C11orf97: variants seen among roughly 807,000 people sequenced by gnomAD.
C11orf97 encodes chromosome 11 open reading frame 97.
A neutral mutation model predicts 16.2 loss-of-function variants in C11orf97; 15 were observed. The ratio of observed to expected loss-of-function variants is 0.93; its 90% CI spans 0.62 to 1.43. The LOEUF (loss-of-function observed/expected upper bound fraction) is 1.43, where lower values mean the gene tolerates loss of function less well. Ranked by LOEUF, C11orf97 falls within the 40% of genes most tolerant of loss-of-function variation. C11orf97 has a pLI of 0.00. For synonymous variants in C11orf97, 61 were observed against 65.7 expected, an observed-to-expected ratio of 0.93 and a Z score of 0.34; for missense variants, 171 against 161.2, an observed-to-expected ratio of 1.06 and a Z score of -0.33.
chr11:94,529,542 T>G (rs185908838), intron 3 of C11orf97, among the ~76,000 whole-genome samples: 1 of 152,294 alleles, frequency 6.6e-6, no homozygotes, highest in Admixed American at 6.5e-5. Context: ...GAGTTGAGGA[T>G]TATAATCTCC....
intron 1 of C11orf97, among the ~76,000 whole-genome samples, chr11:94,514,096 C>T (rs191781650): frequency 7.2e-5 from 11 of 152,338 alleles, no homozygotes; most frequent in Non-Finnish European, 1.6e-4. Flanking sequence ...AGGCATGAGC[C>T]ACCACGCCCA....
chr11:94,522,661 A>G (rs767336057), intron 2 of C11orf97, among the ~76,000 whole-genome samples: 22 of 152,340 alleles, frequency 1.4e-4, no homozygotes, highest in Non-Finnish European at 1.5e-4. Context: ...GCCATCCTCT[A>G]TCTCCACACC....
chr11:94,517,159 G>T (rs912466234), intron 1 of C11orf97, among the ~76,000 whole-genome samples: 1 of 152,108 alleles, frequency 6.6e-6, no homozygotes, highest in Admixed American at 6.5e-5. Flanking sequence ...CTGAGATTTT[G>T]TTCTCTCTTC....
chr11:94,517,832 T>C (rs570179488), intron 2 of C11orf97, 145 bp downstream of exon 2: 1 of 600,792 alleles, frequency 1.7e-6, no homozygotes, highest in South Asian at 2.6e-5. Context: ...AATTTGCTTA[T>C]GTCCAAATAA....
chr11:94,513,730 T>C (rs188310913), intron 1 of C11orf97, among the ~76,000 whole-genome samples: 130 of 152,340 alleles, frequency 8.5e-4, no homozygotes, highest in Non-Finnish European at 1.6e-3. Context: ...TTGTTATTAT[T>C]ATCAGCAGCA....
At chr11:94,522,199 A>G (rs1050684072) in intron 2 of C11orf97, among the ~76,000 whole-genome samples, 1 of 152,150 alleles carries the variant, frequency 6.6e-6, no homozygotes, top group African/African-American at 2.4e-5. Context: ...TGGATGTCCC[A>G]TAAGTCATAA....
At chr11:94,522,515 A>G (rs1947666387) in intron 2 of C11orf97, among the ~76,000 whole-genome samples, 1 of 152,160 alleles carries the variant, frequency 6.6e-6, no homozygotes, top group African/African-American at 2.4e-5. Flanking sequence ...CGGCCTGGGC[A>G]ACAGAGTGAG....
intron 2 of C11orf97, among the ~76,000 whole-genome samples, chr11:94,520,964 C>T (rs1487749993): frequency 6.6e-6 from 1 of 152,186 alleles, no homozygotes; most frequent in East Asian, 1.9e-4. Flanking sequence ...CCTCTCTGAT[C>T]TCATCTCCTA....
chr11:94,525,345 G>A (rs1947691589), intron 2 of C11orf97, among the ~76,000 whole-genome samples: 1 of 152,144 alleles, frequency 6.6e-6, no homozygotes. Flanking sequence ...CTTTTCCAAA[G>A]AATTTCAGAA....
In C11orf97 at chr11:94,531,989, G is replaced by A; in HGVS notation, c.*89G>A. 1.8e-6 allele frequency: 2 copies of A among 1,102,126 alleles called. No homozygotes were observed. The highest frequency in any genetic ancestry group is 3.5e-5 in the Admixed American group (1 of 28,960). 68.3% of individuals were successfully genotyped at this position (1,102,126 alleles called of 1,614,324 possible). A position where few individuals can be genotyped will look rare whatever the true frequency, so the allele number is the denominator to read the frequency against. On this transcript the variant is annotated 3_prime_UTR_variant, in exon 4 of 4. Transcript: ENST00000542198. ...AACTCAAGCTTGTTTCAGGATTTAA[G>A]ATGTGTGCAAAAAAATGATAGCCTG...
intron 1 of C11orf97, among the ~76,000 whole-genome samples, chr11:94,513,272 A>G (rs1391526064): frequency 6.6e-6 from 1 of 152,186 alleles, no homozygotes; most frequent in Admixed American, 6.5e-5. Flanking sequence ...CCTGACAAAC[A>G]CACAATATTC....
chr11:94,517,915 C>T lies in C11orf97; in HGVS notation c.250+228C>T, dbSNP rs1021389334. 2.0e-5 allele frequency among the ~76,000 whole-genome samples: 3 copies of T among 152,022 alleles called. No homozygotes were observed. In the South Asian group the frequency reaches 6.2e-4, roughly 32 times the overall value. Reference sequence around the variant, plus strand: ...CTGTAATCCCAGCACTTTGGGAGGCCGAGGTGGATGGATCACGAGGTCAGG... The same window carrying T: ...CTGTAATCCCAGCACTTTGGGAGGCTGAGGTGGATGGATCACGAGGTCAGG... On this transcript the variant is annotated intron_variant, in intron 2 of 3. Transcript: ENST00000542198.
At chr11:94,517,193 A>G (rs1252416773) in intron 1 of C11orf97, among the ~76,000 whole-genome samples, 1 of 152,220 alleles carries the variant, frequency 6.6e-6, no homozygotes, top group East Asian at 1.9e-4. Flanking sequence ...CAAGCTCTAT[A>G]CACACATCTG....
intron 2 of C11orf97, 46 bp from the exon 3 acceptor site, chr11:94,528,038 G>A (rs1164241033): frequency 1.4e-6 from 2 of 1,473,928 alleles, no homozygotes; most frequent in Non-Finnish European, 1.8e-6. Context: ...GTGCTAAAAA[G>A]AGAATACGCT....
At chr11:94,531,788 C>T in intron 3 of C11orf97, 108 bp from the exon 4 acceptor site, 2 of 900,826 alleles carry the variant, frequency 2.2e-6, no homozygotes, top group Admixed American at 7.7e-5. Flanking sequence ...TTACATTCTG[C>T]TCAATCAAAT....
chr11:94,531,199 G>A (rs958851587), intron 3 of C11orf97, among the ~76,000 whole-genome samples: 36 of 152,066 alleles, frequency 2.4e-4, no homozygotes, highest in African/African-American at 8.0e-4. Context: ...CAGCACTCTG[G>A]GAGGCCAAGG....
intron 3 of C11orf97, 64 bp from the exon 4 acceptor site, chr11:94,531,832 T>C: frequency 8.0e-7 from 1 of 1,254,774 alleles, no homozygotes; most frequent in Non-Finnish European, 1.1e-6. Flanking sequence ...TTAAAATGGG[T>C]GAGATTAAAG....
chr11:94,519,543 C>T (rs1947640014), intron 2 of C11orf97, among the ~76,000 whole-genome samples: 1 of 152,162 alleles, frequency 6.6e-6, no homozygotes. Flanking sequence ...ATTGGATACA[C>T]TAGATTGTGA....
At chr11:94,522,310 C>T (rs750828603) in intron 2 of C11orf97, among the ~76,000 whole-genome samples, 6 of 152,068 alleles carry the variant, frequency 3.9e-5, no homozygotes, top group East Asian at 3.9e-4. Context: ...CTGAGACGGG[C>T]GTATCACGAG....
Sources: gnomAD v4.1 joint callset for allele counts (sites outside exome capture counted in the v4.1 genomes callset) on GRCh38, gnomAD v4.1.1 for gene constraint, MANE v1.5 for transcripts, NCBI Gene and HGNC (gene_info 2026-07-23, HGNC 2026-07-21) for gene names.